CNGA3: variants seen among roughly 807,000 people sequenced by gnomAD.
CNGA3 encodes the protein cyclic nucleotide gated channel subunit alpha 3, also known as cyclic nucleotide-gated channel alpha-3.
CNGA3 carries 42 observed loss-of-function variants against 46.6 expected under a neutral mutation model. The observed-to-expected ratio is 0.90, with a 90% CI of 0.70 to 1.17. CNGA3 has a LOEUF of 1.17. CNGA3 is among the 50% of genes most tolerant of loss of function. CNGA3 has a pLI of 0.00. For missense variants in CNGA3, 893 were observed against 890.7 expected, an observed-to-expected ratio of 1.00 and a Z score of -0.03; for synonymous variants, 394 against 369.4, an observed-to-expected ratio of 1.07 and a Z score of -0.76.
rs546831778 is a variant in CNGA3, at chr2:98,397,031, G to A, written c.1861G>A (p.Ala621Thr). 4.2e-5 allele frequency: 67 copies of A among 1,614,004 alleles called. No individual in the cohort carries two copies. In the Middle Eastern group the frequency reaches 6.6e-4, roughly 16 times the overall value. ...LIDEELARAG[A>T]DPKDLEEKVE... is the part of the protein sequence containing the mutation. ...CGATGAGGAGCTGGCCAGGGCGGGC[G>A]CGGACCCCAAGGACCTTGAGGAGAA... Residue 621 changes from alanine to threonine, a missense_variant, in exon 8 of 8, where the codon GCG (alanine) becomes ACG (threonine). Ala to Thr is a moderately conservative substitution (Grantham distance 58). This residue lies in a region of CNGA3 where 548 missense variants were observed against 570.8 expected (regional missense o/e 0.96). Transcript: ENST00000272602.
chr2:98,377,598 CA>C (rs1692435379), intron 2 of CNGA3, 88 bp from the exon 3 acceptor site: 1 of 1,295,644 alleles, frequency 7.7e-7, no homozygotes, highest in South Asian at 1.3e-5. Flanking sequence ...CCCTGCTAAG[CA>C]GAACATCTGA....
In CNGA3 at chr2:98,395,974, A is replaced by T. The variant is rs938756979; in HGVS notation, c.804A>T (p.Thr268=). The change falls in exon 8 of 8, where the codon ACA becomes ACT. Residue 268 remains threonine, a synonymous_variant. Transcript: ENST00000272602. The part of the protein sequence containing the change: ...PTDLAYLKVG[T]NYPEVRFNRL... ...ACCTGGCTTACTTAAAGGTGGGCACAAACTACCCAGAAGTGAGGTTCAACC... is the reference window on the plus strand; with the variant it reads ...ACCTGGCTTACTTAAAGGTGGGCACTAACTACCCAGAAGTGAGGTTCAACC... 3 of 1,614,120 alleles carry T rather than the reference A, an allele frequency of 1.9e-6. No individual in the cohort carries two copies. In the African/African-American group the frequency reaches 4.0e-5, roughly 22 times the overall value.
intron 1 of CNGA3, among the ~76,000 whole-genome samples, chr2:98,357,504 G>A (rs1222112661): frequency 3.3e-5 from 5 of 152,138 alleles, no homozygotes; most frequent in Non-Finnish European, 7.4e-5. Context: ...AACACCATTT[G>A]CACTACCTTA....
intron 2 of CNGA3, among the ~76,000 whole-genome samples, chr2:98,374,865 T>G (rs927994731): frequency 6.6e-6 from 1 of 152,384 alleles, no homozygotes. Context: ...TTGCATCATG[T>G]AAGGATCTCC....
chr2:98,352,988 A>C (rs1266803644), intron 1 of CNGA3, among the ~76,000 whole-genome samples: 1 of 152,202 alleles, frequency 6.6e-6, no homozygotes, highest in Non-Finnish European at 1.5e-5. Context: ...GGCTTCTTCA[A>C]AACTGATTTA....
intron 7 of CNGA3, 111 bp downstream of exon 7, chr2:98,392,081 A>T: frequency 4.2e-6 from 4 of 944,342 alleles, no homozygotes; most frequent in Non-Finnish European, 6.6e-6. Flanking sequence ...GAGGCCAGGC[A>T]GGTCTGGGGA....
At chr2:98,356,764 G>A (rs1691889729) in intron 1 of CNGA3, among the ~76,000 whole-genome samples, 1 of 152,206 alleles carries the variant, frequency 6.6e-6, no homozygotes, top group African/African-American at 2.4e-5. Flanking sequence ...AGTGTAAATG[G>A]TCAGTTAGTC....
chr2:98,392,196 C>T (rs1168865859), intron 7 of CNGA3, among the ~76,000 whole-genome samples: 1 of 152,202 alleles, frequency 6.6e-6, no homozygotes, highest in African/African-American at 2.4e-5. Flanking sequence ...GGGCTCTGCT[C>T]TTCCAACAAG....
intron 7 of CNGA3, 110 bp downstream of exon 7, chr2:98,392,080 C>T (rs1390724174): frequency 3.4e-5 from 33 of 980,476 alleles, no homozygotes; most frequent in Non-Finnish European, 5.2e-5. Context: ...AGAGGCCAGG[C>T]AGGTCTGGGG....
intron 2 of CNGA3, among the ~76,000 whole-genome samples, chr2:98,375,393 G>T (rs1184613851): frequency 6.6e-6 from 1 of 152,154 alleles, no homozygotes; most frequent in African/African-American, 2.4e-5. Context: ...CTGTGACAGG[G>T]CCCCCGCCCA....
intron 1 of CNGA3, among the ~76,000 whole-genome samples, chr2:98,349,718 A>G (rs1691733366): frequency 6.6e-6 from 1 of 152,202 alleles, no homozygotes; most frequent in Admixed American, 6.5e-5. Flanking sequence ...TCTAGTCTAT[A>G]CACTAGACTA....
At chr2:98,347,029 C>G (rs879724190) in intron 1 of CNGA3, 37 of 152,320 alleles carry the variant, frequency 2.4e-4, no homozygotes, top group Non-Finnish European at 4.6e-4. Flanking sequence ...GGCTCCAAGT[C>G]GGGAGCGGGC....
rs956154488 is a variant in CNGA3, at chr2:98,377,625, C to T, written c.102-62C>T. ...GAACATCTGACTGTCTCACTCCTGG[C>T]TGTGTCCAGGAGGTAGATGGGCTTG... On this transcript the variant is annotated intron_variant, in intron 2 of 7. Transcript: ENST00000272602. 1.5e-5 allele frequency: 22 copies of T among 1,438,824 alleles called. No individual in the cohort carries two copies. The African/African-American group carries it at 2.5e-4, about 17-fold the overall frequency. The allele number at this position is 1,438,824 out of a possible 1,614,324, so 89.1% of individuals were successfully genotyped here. A position where few individuals can be genotyped will look rare whatever the true frequency, so the allele number is the denominator to read the frequency against.
intron 1 of CNGA3, among the ~76,000 whole-genome samples, chr2:98,350,245 T>G (rs2055591): frequency 0.43 from 66,062 of 152,002 alleles, 14,791 homozygotes; most frequent in Non-Finnish European, 0.5. Context: ...TATAATGCCT[T>G]CCTCATCGAG....
In CNGA3 at chr2:98,395,992, G is replaced by A. The variant is rs368513591; in HGVS notation, c.822G>A (p.Arg274=). 1.9e-6 allele frequency: 3 copies of A among 1,614,094 alleles called. No individual in the cohort carries two copies. The highest frequency in any genetic ancestry group is 2.5e-6 in the Non-Finnish European group (3 of 1,180,038). ...LKVGTNYPEV[R]FNRLLKFSRL... ...TGGGCACAAACTACCCAGAAGTGAG[G>A]TTCAACCGCCTACTGAAGTTTTCCC... Residue 274 remains arginine, a synonymous_variant, in exon 8 of 8, where the codon AGG becomes AGA. Transcript: ENST00000272602.
At chr2:98,393,573 C>T (rs1692841234) in intron 7 of CNGA3, among the ~76,000 whole-genome samples, 1 of 152,208 alleles carries the variant, frequency 6.6e-6, no homozygotes. Flanking sequence ...GCCTAGCCAG[C>T]CCTGGTCACC....
At position 98,396,611 on chromosome 2, in the gene CNGA3, C is replaced by A. The variant is rs751916521; in HGVS notation, c.1441C>A (p.Arg481Ser). The change falls in exon 8 of 8, where the codon CGC (arginine) becomes AGC (serine). Residue 481 changes from arginine to serine, a missense_variant. By Grantham distance (110) the Arg-to-Ser change is moderately radical. Around this residue, in one of 3 missense-constraint regions of CNGA3, gnomAD observed 548 missense variants for 570.8 expected, o/e 0.96. Transcript: ENST00000272602. ...NVHLDTLKKV[R>S]IFQDCEAGLL... ...GCACCTGGACACGCTGAAGAAGGTT[C>A]GCATCTTCCAGGACTGTGAGGCAGG... is the stretch of plus-strand genomic sequence containing the variant. The A allele has an allele frequency of 1.9e-6, 3 of 1,613,892 alleles. No homozygotes were observed. The highest frequency in any genetic ancestry group is 3.3e-5 in the Admixed American group (2 of 59,976).
At chr2:98,387,546 T>A (rs987057193) in intron 5 of CNGA3, among the ~76,000 whole-genome samples, 5 of 152,156 alleles carry the variant, frequency 3.3e-5, no homozygotes, top group African/African-American at 9.7e-5. Context: ...TCCTAGCTCT[T>A]AAAAGACACC....
chr2:98,382,812 A>C (rs918226759), intron 4 of CNGA3, among the ~76,000 whole-genome samples: 6 of 152,222 alleles, frequency 3.9e-5, no homozygotes, highest in African/African-American at 1.4e-4. Flanking sequence ...GAGTCGTAAA[A>C]TTTGGGGAGA....
Sources: allele counts gnomAD v4.1 joint callset (sites outside exome capture counted in the v4.1 genomes callset), GRCh38; gene constraint gnomAD v4.1.1; regional missense constraint gnomAD v4.1.1; transcripts MANE v1.5; gene names NCBI Gene and HGNC (gene_info 2026-07-23, HGNC 2026-07-21).